The following CCDC83 variants were observed in gnomAD, a reference collection of about 807,000 sequenced individuals.
The protein encoded by CCDC83 is coiled-coil domain-containing protein 83.
CCDC83 carries 54 observed loss-of-function variants against 50.1 expected under a neutral mutation model. That is an observed-to-expected ratio of 1.08 (90% CI 0.87 to 1.35). The LOEUF is 1.35. Among genes scored for constraint, CCDC83 ranks in the 40% most tolerant of loss-of-function variants. The probability of loss-of-function intolerance (pLI) is 0.00; values close to 1 mark genes in which losing one functional copy is unlikely to be tolerated. For missense variants in CCDC83, 518 were observed against 473.9 expected, an observed-to-expected ratio of 1.09 and a Z score of -0.86; for synonymous variants, 161 against 153.3, an observed-to-expected ratio of 1.05 and a Z score of -0.37.
rs578198955 is a variant in CCDC83 at position 85,871,170 on chromosome 11, A to AAAACAAAC, written c.96-2026_96-2019dup. On this transcript the variant is annotated intron_variant, in intron 2 of 10. Coordinates refer to ENST00000342404, the MANE Select transcript of CCDC83 (RefSeq NM_001286159.2). ...TGACAGAGCAAGACTCTATTTCAAA[A>AAAACAAAC]AAACAAACAAACAAACAAACAATCT... 3.4e-5 allele frequency among the ~76,000 whole-genome samples: 5 copies of AAAACAAAC among 148,436 alleles called. No individual in the cohort carries two copies. The East Asian group carries it at 9.7e-4, about 29-fold the overall frequency.
At chr11:85,904,506 T>G (rs7106460) in intron 7 of CCDC83, among the ~76,000 whole-genome samples, 32,899 of 152,166 alleles carry the variant, frequency 0.22, 3,910 homozygotes, top group Middle Eastern at 0.28. Flanking sequence ...CAATGCCATC[T>G]ATAAAACAAA....
chr11:85,883,798 G>A (rs2093313387), intron 4 of CCDC83, among the ~76,000 whole-genome samples: 1 of 152,176 alleles, frequency 6.6e-6, no homozygotes. Flanking sequence ...GCACACAGCA[G>A]GCTCTCCACT....
chr11:85,906,369 A>C (rs1184047070), intron 7 of CCDC83, among the ~76,000 whole-genome samples: 2 of 152,078 alleles, frequency 1.3e-5, no homozygotes, highest in African/African-American at 2.4e-5. Context: ...GCCCAGCCTC[A>C]ATTCACTTAA....
chr11:85,864,188 A>C (rs906514780), intron 1 of CCDC83, among the ~76,000 whole-genome samples: 1 of 152,248 alleles, frequency 6.6e-6, no homozygotes, highest in Non-Finnish European at 1.5e-5. Flanking sequence ...ACAGTGGTGC[A>C]CAAGAATTAC....
At chr11:85,882,030 T>A (rs933902914) in intron 3 of CCDC83, among the ~76,000 whole-genome samples, 1 of 152,144 alleles carries the variant, frequency 6.6e-6, no homozygotes, top group African/African-American at 2.4e-5. Flanking sequence ...TCTTTTGTTA[T>A]AGGCCAGGCT....
In CCDC83 at chr11:85,916,172, GCA is replaced by G; in HGVS notation, c.1022_1023del (p.Thr341ArgfsTer6). On this transcript the variant is annotated frameshift_variant, in exon 10 of 11. Transcript: ENST00000342404. LOFTEE classifies it high-confidence loss of function. ...AAGATAGATAAAGAGGAAAACTCAGGCACAGAGTTTGGGGACACTGATATGAA... is the reference window on the plus strand; with the variant it reads ...AAGATAGATAAAGAGGAAAACTCAGGCAGAGTTTGGGGACACTGATATGAA... The G allele has an allele frequency of 4.3e-6, 7 of 1,612,966 alleles. No individual in the cohort carries two copies. Among genetic ancestry groups the G allele is most frequent in the Non-Finnish European group, 5.9e-6 (7 of 1,179,194 alleles).
chr11:85,874,429 C>T (rs900845265), intron 3 of CCDC83, among the ~76,000 whole-genome samples: 24 of 152,130 alleles, frequency 1.6e-4, no homozygotes, highest in African/African-American at 5.8e-4. Context: ...AATCATTTTC[C>T]CCTTAGCCCA....
chr11:85,860,811 G>A (rs1218138815), intron 1 of CCDC83, among the ~76,000 whole-genome samples: 1 of 152,188 alleles, frequency 6.6e-6, no homozygotes, highest in Non-Finnish European at 1.5e-5. Flanking sequence ...GCCATAAAAA[G>A]AACAAAATCG....
At chr11:85,879,334 T>TC (rs1173287727) in intron 3 of CCDC83, among the ~76,000 whole-genome samples, 3 of 152,170 alleles carry the variant, frequency 2.0e-5, no homozygotes, top group Non-Finnish European at 4.4e-5. Context: ...TCAAGATTCT[T>TC]CTTTTTTTTT....
At chr11:85,864,950 AT>A (rs2093198525) in intron 1 of CCDC83, 145 bp from the exon 2 acceptor site, 1 of 570,644 alleles carries the variant, frequency 1.8e-6, no homozygotes, top group East Asian at 2.9e-5. Context: ...ATGTTCCACC[AT>A]TGTGGTGAAT....
intron 3 of CCDC83, among the ~76,000 whole-genome samples, chr11:85,874,859 T>C (rs942515996): frequency 9.2e-5 from 14 of 152,216 alleles, no homozygotes; most frequent in Non-Finnish European, 1.6e-4. Flanking sequence ...TCGTCTTTAC[T>C]AAAGTCTTCA....
intron 3 of CCDC83, among the ~76,000 whole-genome samples, chr11:85,876,928 A>C (rs975175322): frequency 6.6e-6 from 1 of 152,210 alleles, no homozygotes; most frequent in Non-Finnish European, 1.5e-5. Flanking sequence ...CATTTTTATA[A>C]TGTGATAATT....
chr11:85,875,632 A>T (rs758532443), intron 3 of CCDC83, among the ~76,000 whole-genome samples: 5 of 152,234 alleles, frequency 3.3e-5, no homozygotes, highest in Non-Finnish European at 7.3e-5. Context: ...TTGTTTCTCC[A>T]GAAGAGTCCA....
chr11:85,873,314 A>G lies in CCDC83; in HGVS notation c.180+19A>G. On this transcript the variant is annotated intron_variant, in intron 3 of 10. Coordinates refer to ENST00000342404, the MANE Select transcript of CCDC83 (RefSeq NM_001286159.2). ...TGAAAGAGTGAGTATAAAATTTAGAACCTATATATAGTCATTAAATATTTA... is the reference window on the plus strand; with the variant it reads ...TGAAAGAGTGAGTATAAAATTTAGAGCCTATATATAGTCATTAAATATTTA... 1 of 1,060,826 alleles carries G rather than the reference A, an allele frequency of 9.4e-7. No homozygotes were observed. Among genetic ancestry groups the G allele is most frequent in the South Asian group, 1.5e-5 (1 of 66,646 alleles). 65.7% of individuals were successfully genotyped at this position (1,060,826 alleles called of 1,614,324 possible). A position where few individuals can be genotyped will look rare whatever the true frequency, so the allele number is the denominator to read the frequency against.
intron 6 of CCDC83, 113 bp downstream of exon 6, chr11:85,895,497 T>C: frequency 1.6e-6 from 1 of 615,492 alleles, no homozygotes; most frequent in Non-Finnish European, 2.9e-6. Context: ...TTTGGGATGC[T>C]CAACCTGTAA....
intron 2 of CCDC83, among the ~76,000 whole-genome samples, chr11:85,872,009 G>A (rs562076219): frequency 6.6e-6 from 1 of 152,160 alleles, no homozygotes; most frequent in Non-Finnish European, 1.5e-5. Flanking sequence ...CTGGAGTGCA[G>A]TGGCATGATC....
chr11:85,893,815 G>C (rs1457761965), intron 5 of CCDC83, among the ~76,000 whole-genome samples: 1 of 152,144 alleles, frequency 6.6e-6, no homozygotes, highest in East Asian at 1.9e-4. Flanking sequence ...ATCACCCCCA[G>C]ATGGGACCAT....
intron 5 of CCDC83, among the ~76,000 whole-genome samples, chr11:85,887,565 G>A (rs1453408654): frequency 6.6e-6 from 1 of 152,124 alleles, no homozygotes; most frequent in South Asian, 2.1e-4. Context: ...TCTGAAAAGA[G>A]AACAAGAGTG....
intron 7 of CCDC83, among the ~76,000 whole-genome samples, chr11:85,899,868 A>G (rs767277855): frequency 5.3e-5 from 8 of 152,184 alleles, no homozygotes; most frequent in Non-Finnish European, 7.3e-5. Flanking sequence ...ATTGTAGTTC[A>G]AGATGGTAGG....
Sources: allele counts gnomAD v4.1 joint callset (sites outside exome capture counted in the v4.1 genomes callset), GRCh38; gene constraint gnomAD v4.1.1; transcripts MANE v1.5; gene names NCBI Gene and HGNC (gene_info 2026-07-23, HGNC 2026-07-21).